The following IL1R2 variants were observed in gnomAD, a reference collection of about 807,000 sequenced individuals.
The protein encoded by IL1R2 is interleukin 1 receptor type 2.
In IL1R2, 46 loss-of-function variants were observed where a neutral mutation model predicts 39.5. The ratio of observed to expected loss-of-function variants is 1.16; its 90% CI spans 0.92 to 1.49. The LOEUF is 1.49. Ranked by LOEUF, IL1R2 falls within the 40% of genes most tolerant of loss-of-function variation. The probability of loss-of-function intolerance (pLI) is 0.00; values close to 1 mark genes in which losing one functional copy is unlikely to be tolerated. For synonymous variants in IL1R2, 207 were observed against 189.6 expected (o/e 1.09, Z -0.75); for missense variants, 537 against 502.0 (o/e 1.07, Z -0.67).
intron 2 of IL1R2, 118 bp downstream of exon 2, chr2:102,008,760 C>G (rs572880771): frequency 4.8e-6 from 4 of 833,094 alleles, no homozygotes; most frequent in Non-Finnish European, 6.0e-6. Flanking sequence ...CGGTGGCTGC[C>G]GGCTGTAATG....
chr2:101,992,382 G>C (rs1172587068), intron 1 of IL1R2, among the ~76,000 whole-genome samples: 1 of 151,178 alleles, frequency 6.6e-6, no homozygotes, highest in Non-Finnish European at 1.5e-5. Context: ...CAGAGAGACA[G>C]AGACAGAGAG....
chr2:101,998,444 G>A (rs547001942), intron 1 of IL1R2, among the ~76,000 whole-genome samples: 1 of 152,268 alleles, frequency 6.6e-6, no homozygotes, highest in South Asian at 2.1e-4. Context: ...TTTTGATTGA[G>A]CATTCTGTTC....
chr2:101,995,043 T>C (rs1675520825), intron 1 of IL1R2, among the ~76,000 whole-genome samples: 2 of 152,340 alleles, frequency 1.3e-5, no homozygotes, highest in Middle Eastern at 6.8e-3. Context: ...TGTGAATAGA[T>C]GGAACATCAC....
Position 102,008,598 on chromosome 2 carries a change from T to G in IL1R2, c.23T>G (p.Val8Gly). ...GCAATGTTGCGCTTGTACGTGTTGGTAATGGGAGTTTCTGCCTTCACCCTT... is the reference window on the plus strand; with the variant it reads ...GCAATGTTGCGCTTGTACGTGTTGGGAATGGGAGTTTCTGCCTTCACCCTT... MLRLYVLVMGVSAFTLQP... is the reference protein window; with the variant it reads MLRLYVLGMGVSAFTLQP... Residue 8 changes from valine (V) to glycine (G), a missense_variant, in exon 2 of 9, where the codon GTA becomes GGA. Val to Gly is a moderately radical substitution (Grantham distance 109). Coordinates refer to ENST00000332549, the MANE Select transcript of IL1R2 (RefSeq NM_004633.4). 6.2e-7 allele frequency: 1 copy of G among 1,614,052 alleles called. No homozygotes were observed. Among genetic ancestry groups the G allele is most frequent in the Non-Finnish European group, 8.5e-7 (1 of 1,179,982 alleles).
At chr2:101,999,844 A>C (rs888450324) in intron 1 of IL1R2, among the ~76,000 whole-genome samples, 5 of 152,188 alleles carry the variant, frequency 3.3e-5, no homozygotes, top group African/African-American at 4.8e-5. Flanking sequence ...ATGTATTTAG[A>C]ATTGTGTGTT....
intron 8 of IL1R2, among the ~76,000 whole-genome samples, chr2:102,027,634 A>T (rs940718726): frequency 1.3e-5 from 2 of 152,180 alleles, no homozygotes; most frequent in Non-Finnish European, 2.9e-5. Context: ...TAATAGCTTA[A>T]AAATGCAGGA....
Position 102,015,953 on chromosome 2 carries a change from C to G in IL1R2, c.415C>G (p.Pro139Ala), listed in dbSNP as rs1257813904. 1 of 1,613,840 alleles carries G rather than the reference C, an allele frequency of 6.2e-7. No homozygotes were observed. Among genetic ancestry groups the G allele is most frequent in the Non-Finnish European group, 8.5e-7 (1 of 1,179,764 alleles). The change falls in exon 4 of 9, where the codon CCG becomes GCG. Residue 139 changes from proline (P) to alanine (A), a missense_variant. Transcript: ENST00000332549. The stretch of plus-strand genomic sequence containing the variant: ...TGCTTTCCTGCCGTTCATCTCATAC[C>G]CGCAAATTTTAACCTTGTCAACCTC... ...TDAFLPFISY[P>A]QILTLSTSGV...
intron 1 of IL1R2, among the ~76,000 whole-genome samples, chr2:101,996,713 T>C (rs529534814): frequency 6.6e-6 from 1 of 151,698 alleles, no homozygotes; most frequent in African/African-American, 2.4e-5. Context: ...TACATATGTA[T>C]ATATAGTAGT....
chr2:102,017,246 A>G (rs1366974755), intron 4 of IL1R2, among the ~76,000 whole-genome samples: 1 of 151,838 alleles, frequency 6.6e-6, no homozygotes, highest in Admixed American at 6.6e-5. Context: ...AAAAATAAAA[A>G]ATTAGCTGGG....
intron 4 of IL1R2, among the ~76,000 whole-genome samples, chr2:102,017,403 A>C (rs531951960): frequency 1.1e-4 from 16 of 152,052 alleles, no homozygotes; most frequent in African/African-American, 3.9e-4. Context: ...TCTCAGAAAA[A>C]AAAAAAAAAA....
chr2:102,024,522 G>T lies in IL1R2; in HGVS notation c.752-11G>T. The T allele has an allele frequency of 6.2e-7, 1 of 1,609,330 alleles. No individual in the cohort carries two copies. Among genetic ancestry groups the T allele is most frequent in the Non-Finnish European group, 8.5e-7 (1 of 1,175,656 alleles). Reference sequence around the variant, plus strand: ...TTCTGCAGTTGACGTGCTGTGCCTTGCCATCCACAGGGTCAAGACTGACAA... The same window carrying T: ...TTCTGCAGTTGACGTGCTGTGCCTTTCCATCCACAGGGTCAAGACTGACAA... On this transcript the variant is annotated splice_polypyrimidine_tract_variant and intron_variant, in intron 6 of 8. Coordinates refer to ENST00000332549, the MANE Select transcript of IL1R2 (RefSeq NM_004633.4).
intron 1 of IL1R2, among the ~76,000 whole-genome samples, chr2:101,993,657 T>C (rs1302262198): frequency 1.3e-5 from 2 of 152,150 alleles, no homozygotes; most frequent in African/African-American, 4.8e-5. Context: ...CCTATCTCTG[T>C]TCCTCTCTCT....
intron 1 of IL1R2, among the ~76,000 whole-genome samples, chr2:102,003,931 C>T (rs1337055245): frequency 6.6e-6 from 1 of 151,490 alleles, no homozygotes; most frequent in East Asian, 1.9e-4. Flanking sequence ...ATGTCTAGGT[C>T]TAGGTCTAGG....
rs775166725 is a variant in IL1R2, at chr2:102,028,333, G to A, written c.1138G>A (p.Ala380Thr). The A allele has an allele frequency of 6.2e-7, 1 of 1,611,174 alleles. No individual in the cohort carries two copies. The highest frequency in any genetic ancestry group is 1.7e-5 in the Admixed American group (1 of 59,324). ...HRRCKHRTGK[A>T]DGLTVLWPHH... ...ACGGTGCAAACACAGAACTGGAAAA[G>A]CAGATGGTCTGACTGTGCTATGGCC... is the stretch of plus-strand genomic sequence containing the variant. The change falls in exon 9 of 9, where the codon GCA becomes ACA. Residue 380 changes from alanine to threonine, a missense_variant. Ala to Thr is a moderately conservative substitution (Grantham distance 58). Coordinates refer to ENST00000332549, the MANE Select transcript of IL1R2 (RefSeq NM_004633.4).
At chr2:102,024,238 C>T (rs550211068) in intron 6 of IL1R2, among the ~76,000 whole-genome samples, 6 of 152,210 alleles carry the variant, frequency 3.9e-5, no homozygotes, top group African/African-American at 1.4e-4. Context: ...CAGAGGAAGT[C>T]GGCTTGAATT....
chr2:102,005,101 T>C (rs756760723), intron 1 of IL1R2, among the ~76,000 whole-genome samples: 1 of 152,232 alleles, frequency 6.6e-6, no homozygotes, highest in Non-Finnish European at 1.5e-5. Context: ...TTCAGCTCCA[T>C]AGCTCTGTGA....
Position 102,019,636 on chromosome 2 carries a change from AGGATTCTCTTCTTTT to A in IL1R2, c.517_531del (p.Ser173_Asp177del). The A allele has an allele frequency of 6.2e-7, 1 of 1,606,376 alleles. No homozygotes were observed. Among genetic ancestry groups the A allele is most frequent in the South Asian group, 1.1e-5 (1 of 90,414 alleles). Reference sequence around the variant, plus strand: ...CAACTTAAAAAAACATTTTCCCTTAAGGATTCTCTTCTTTTGGATAAAGACAATGAGAAATTTCTA... The same window carrying A: ...CAACTTAAAAAAACATTTTCCCTTAAGGATAAAGACAATGAGAAATTTCTA... On this transcript the variant is annotated splice_acceptor_variant and coding_sequence_variant, in exon 5 of 9. Transcript: ENST00000332549. LOFTEE classifies it high-confidence loss of function.
chr2:102,004,210 AG>A (rs1676118943), intron 1 of IL1R2, among the ~76,000 whole-genome samples: 1 of 152,188 alleles, frequency 6.6e-6, no homozygotes, highest in South Asian at 2.1e-4. Context: ...TTAAATGAAA[AG>A]GTGGAGTAAG....
intron 1 of IL1R2, among the ~76,000 whole-genome samples, chr2:102,002,486 T>TGTGTCTGTGTCC (rs1443316692): frequency 8.6e-5 from 13 of 152,022 alleles, no homozygotes; most frequent in African/African-American, 3.1e-4. Context: ...TGTCTGTGTC[T>TGTGTCTGTGTCC]GTGTCTGTGT....
Sources: allele counts gnomAD v4.1 joint callset (sites outside exome capture counted in the v4.1 genomes callset), GRCh38; gene constraint gnomAD v4.1.1; transcripts MANE v1.5; gene names NCBI Gene and HGNC (gene_info 2026-07-23, HGNC 2026-07-21).